The following MYO5B variants were observed in gnomAD, a reference collection of about 807,000 sequenced individuals.
MYO5B encodes the protein unconventional myosin-Vb.
MYO5B carries 143 observed loss-of-function variants against 229.3 expected under a neutral mutation model. That is an observed-to-expected ratio of 0.62 (90% CI 0.54 to 0.72). The LOEUF is 0.72. Among genes scored for constraint, MYO5B ranks in the 30% least tolerant of loss-of-function variants. MYO5B has a pLI of 0.00. For synonymous variants in MYO5B, 918 were observed against 885.2 expected (o/e 1.04, Z -0.66); for missense variants, 2,321 against 2,331.0 (o/e 1.00, Z 0.09).
chr18:49,861,846 C>CA (rs947683255), intron 29 of MYO5B, among the ~76,000 whole-genome samples: 2 of 152,082 alleles, frequency 1.3e-5, no homozygotes, highest in Non-Finnish European at 2.9e-5. Flanking sequence ...GACATTCTTG[C>CA]AAAAAAACTT....
Position 50,040,281 on chromosome 18 carries a change from G to C in MYO5B, c.172C>G (p.Gln58Glu), listed in dbSNP as rs747567561. 1 of 1,614,062 alleles carries C rather than the reference G, an allele frequency of 6.2e-7. No individual in the cohort carries two copies. Among genetic ancestry groups the C allele is most frequent in the Non-Finnish European group, 8.5e-7 (1 of 1,179,984 alleles). The part of the protein sequence containing the change: ...LEYPIDVQRN[Q>E]LPFLRNPDIL... ...TCTGGATTCCGTAAGAAGGGCAGCTGGTTGCGTTGTACATCAATTGGGTAT... is the reference window on the plus strand; with the variant it reads ...TCTGGATTCCGTAAGAAGGGCAGCTCGTTGCGTTGTACATCAATTGGGTAT... Residue 58 changes from glutamine to glutamate, a missense_variant, in exon 3 of 40, where the codon CAG (glutamine) becomes GAG (glutamate). Gln to Glu is a conservative substitution (Grantham distance 29, BLOSUM62 2). Around this residue, in one of 2 missense-constraint regions of MYO5B, gnomAD observed 2,113 missense variants for 2,044.7 expected, o/e 1.03. Coordinates refer to ENST00000285039, the MANE Select transcript of MYO5B (RefSeq NM_001080467.3).
At chr18:49,891,405 G>C (rs2024712990) in intron 22 of MYO5B, among the ~76,000 whole-genome samples, 1 of 152,084 alleles carries the variant, frequency 6.6e-6, no homozygotes, top group Non-Finnish European at 1.5e-5. Flanking sequence ...ATTCCTCTCT[G>C]TACTTTCTTC....
chr18:50,128,583 G>A (rs552687897), intron 1 of MYO5B, among the ~76,000 whole-genome samples: 7 of 152,238 alleles, frequency 4.6e-5, no homozygotes, highest in South Asian at 2.1e-4. Flanking sequence ...GAAGTCTCTC[G>A]TGCCTTGAGA....
At chr18:49,892,164 C>T (rs1300445285) in intron 22 of MYO5B, among the ~76,000 whole-genome samples, 1 of 152,242 alleles carries the variant, frequency 6.6e-6, no homozygotes, top group African/African-American at 2.4e-5. Flanking sequence ...ATAGGGATCG[C>T]TGAAGCTTTC....
At chr18:50,147,601 T>A (rs2032525355) in intron 1 of MYO5B, among the ~76,000 whole-genome samples, 1 of 152,216 alleles carries the variant, frequency 6.6e-6, no homozygotes, top group African/African-American at 2.4e-5. Flanking sequence ...ATTCTAGTGA[T>A]GAAATCAAAT....
intron 23 of MYO5B, chr18:49,879,466 A>C: frequency 3.0e-6 from 1 of 332,452 alleles, no homozygotes; most frequent in Non-Finnish European, 5.7e-6. Context: ...TTCAGTTCTT[A>C]GGAGTGCAGG....
chr18:50,125,445 C>T (rs1341080567), intron 1 of MYO5B, among the ~76,000 whole-genome samples: 2 of 151,846 alleles, frequency 1.3e-5, no homozygotes, highest in Non-Finnish European at 2.9e-5. Flanking sequence ...GGGTGCAGCA[C>T]ACCAACATGG....
chr18:50,014,437 G>A (rs897724524), intron 4 of MYO5B, among the ~76,000 whole-genome samples: 2 of 152,014 alleles, frequency 1.3e-5, no homozygotes, highest in African/African-American at 4.8e-5. Flanking sequence ...TGGTTTCCTC[G>A]TTTGTAAGAG....
intron 2 of MYO5B, among the ~76,000 whole-genome samples, chr18:50,045,967 G>A (rs937800636): frequency 1.3e-5 from 2 of 152,198 alleles, no homozygotes; most frequent in African/African-American, 4.8e-5. Context: ...ACAACAGCAA[G>A]ATGGTATAAT....
intron 34 of MYO5B, among the ~76,000 whole-genome samples, chr18:49,841,845 A>G (rs2024061418): frequency 6.6e-6 from 1 of 152,212 alleles, no homozygotes; most frequent in Non-Finnish European, 1.5e-5. Flanking sequence ...CCAGTTATCC[A>G]ACACAAGGGA....
Position 49,864,400 on chromosome 18 carries a change from C to T in MYO5B, c.3604-20G>A, listed in dbSNP as rs1299903140. On this transcript the variant is annotated intron_variant, in intron 27 of 39. Transcript: ENST00000285039. ...TTGCCTCTGGAAGACAGCCCAAGGGCCGCTGCCATTACTCCCTGCCCTAGG... is the reference window on the plus strand; with the variant it reads ...TTGCCTCTGGAAGACAGCCCAAGGGTCGCTGCCATTACTCCCTGCCCTAGG... The T allele has an allele frequency of 1.2e-6, 2 of 1,611,866 alleles. No homozygotes were observed. Among genetic ancestry groups the T allele is most frequent in the South Asian group, 1.1e-5 (1 of 90,968 alleles).
intron 30 of MYO5B, among the ~76,000 whole-genome samples, chr18:49,854,755 T>C (rs2024241314): frequency 6.6e-6 from 1 of 152,200 alleles, no homozygotes; most frequent in Admixed American, 6.5e-5. Context: ...GAAGGCGCCA[T>C]GTTTTTTACA....
At chr18:50,147,044 C>T (rs2032514758) in intron 1 of MYO5B, among the ~76,000 whole-genome samples, 1 of 152,168 alleles carries the variant, frequency 6.6e-6, no homozygotes, top group African/African-American at 2.4e-5. Flanking sequence ...CATCTTGTCT[C>T]CTTACAGACA....
chr18:49,844,424 C>T (rs928080244), intron 33 of MYO5B, among the ~76,000 whole-genome samples: 1 of 152,194 alleles, frequency 6.6e-6, no homozygotes, highest in Admixed American at 6.5e-5. Flanking sequence ...CCTCATGAGC[C>T]ACCTGTAGGC....
intron 32 of MYO5B, 40 bp from the exon 33 acceptor site, chr18:49,847,329 C>G (rs1216226553): frequency 6.2e-7 from 1 of 1,604,132 alleles, no homozygotes. Flanking sequence ...ATGAGACTTC[C>G]AGCTGCAGGC....
At chr18:50,109,033 G>C (rs1202292172) in intron 1 of MYO5B, among the ~76,000 whole-genome samples, 2 of 152,174 alleles carry the variant, frequency 1.3e-5, no homozygotes, top group African/African-American at 4.8e-5. Context: ...TAGCTAAATG[G>C]ACCAGGACTA....
At chr18:50,105,894 GCT>G (rs2031750802) in intron 1 of MYO5B, among the ~76,000 whole-genome samples, 1 of 152,048 alleles carries the variant, frequency 6.6e-6, no homozygotes, top group African/African-American at 2.4e-5. Flanking sequence ...CAAAAACAGA[GCT>G]CTTTGTTGAC....
chr18:50,127,301 A>G (rs1168455749), intron 1 of MYO5B, among the ~76,000 whole-genome samples: 1 of 152,200 alleles, frequency 6.6e-6, no homozygotes, highest in Non-Finnish European at 1.5e-5. Flanking sequence ...AGGAACCAAG[A>G]ACCCAGGTTC....
intron 1 of MYO5B, among the ~76,000 whole-genome samples, chr18:50,168,280 C>CA (rs1216860161): frequency 6.6e-6 from 1 of 152,224 alleles, no homozygotes; most frequent in Non-Finnish European, 1.5e-5. Flanking sequence ...ACTTGTTCCA[C>CA]AGCTAAGGGA....
Sources: gnomAD v4.1 joint callset for allele counts (sites outside exome capture counted in the v4.1 genomes callset) on GRCh38, gnomAD v4.1.1 for gene constraint, gnomAD v4.1.1 regional missense constraint, MANE v1.5 for transcripts, NCBI Gene and HGNC (gene_info 2026-07-23, HGNC 2026-07-21) for gene names.